Variants in NEMF observed in about 807,000 individuals in gnomAD.
The protein encoded by NEMF is ribosome quality control complex subunit NEMF.
In NEMF, 89 loss-of-function variants were observed where a neutral mutation model predicts 162.2. The observed-to-expected ratio is 0.55, with a 90% CI of 0.46 to 0.65. The LOEUF (loss-of-function observed/expected upper bound fraction) is 0.65. Among genes scored for constraint, NEMF ranks in the 30% least tolerant of loss-of-function variants. NEMF has a pLI of 0.00. For missense variants in NEMF, 1,133 were observed against 1,261.9 expected, an observed-to-expected ratio of 0.90 and a Z score of 1.55; for synonymous variants, 421 against 404.5, an observed-to-expected ratio of 1.04 and a Z score of -0.49.
At chr14:49,800,776 T>C (rs1406555745) in intron 22 of NEMF, 80 bp from the exon 23 acceptor site, 1 of 1,308,650 alleles carries the variant, frequency 7.6e-7, no homozygotes, top group Non-Finnish European at 1.1e-6. Flanking sequence ...ATAAAAATAT[T>C]CCACTGTTTC....
At chr14:49,785,048 C>G (rs376996065) in intron 31 of NEMF, 44 bp from the exon 32 acceptor site, 1 of 1,607,160 alleles carries the variant, frequency 6.2e-7, no homozygotes, top group South Asian at 1.1e-5. Flanking sequence ...TGTTAAGTCA[C>G]TGAACTGTTT....
intron 26 of NEMF, among the ~76,000 whole-genome samples, chr14:49,793,637 A>C (rs1476412336): frequency 1.3e-5 from 2 of 152,138 alleles, no homozygotes; most frequent in African/African-American, 4.8e-5. Flanking sequence ...AAAATGCATC[A>C]TTTATTGTTA....
intron 16 of NEMF, chr14:49,820,596 C>A: frequency 2.3e-6 from 1 of 428,556 alleles, no homozygotes; most frequent in Non-Finnish European, 4.6e-6. Flanking sequence ...TGGTGAAATC[C>A]ATCTCTACAA....
At chr14:49,788,556 CTCTTTTT>C (rs1890289031) in intron 28 of NEMF, among the ~76,000 whole-genome samples, 1 of 62,998 alleles carries the variant, frequency 1.6e-5, no homozygotes, top group Non-Finnish European at 3.3e-5. Flanking sequence ...TTTTCTCTCT[CTCTTTTT>C]TTTTTTTTTT....
At chr14:49,821,688 G>C (rs1323550957) in intron 16 of NEMF, among the ~76,000 whole-genome samples, 1 of 136,848 alleles carries the variant, frequency 7.3e-6, no homozygotes, top group Admixed American at 7.1e-5. Flanking sequence ...GGGAGGTGGG[G>C]GGCTCAGCCC....
At chr14:49,824,600 AT>A (rs929470193) in intron 16 of NEMF, among the ~76,000 whole-genome samples, 51 of 146,590 alleles carry the variant, frequency 3.5e-4, no homozygotes, top group Admixed American at 4.1e-4. Flanking sequence ...TCTATACTCA[AT>A]TTTTTTTTTT....
chr14:49,820,747 G>C (rs1891966610), intron 16 of NEMF, among the ~76,000 whole-genome samples: 1 of 152,078 alleles, frequency 6.6e-6, no homozygotes, highest in Admixed American at 6.5e-5. Context: ...CCTGCCGAGT[G>C]CCTGCGATTG....
At chr14:49,819,844 C>T (rs1310833464) in intron 16 of NEMF, among the ~76,000 whole-genome samples, 1 of 152,202 alleles carries the variant, frequency 6.6e-6, no homozygotes, top group Non-Finnish European at 1.5e-5. Flanking sequence ...AGTGCCCTCC[C>T]TTCACTTGCT....
At chr14:49,818,734 G>C (rs1297298187) in intron 16 of NEMF, among the ~76,000 whole-genome samples, 1 of 152,070 alleles carries the variant, frequency 6.6e-6, no homozygotes, top group Non-Finnish European at 1.5e-5. Flanking sequence ...ATAAGTAAAT[G>C]AATTATGGAT....
At chr14:49,797,178 T>C (rs1322088579) in intron 25 of NEMF, among the ~76,000 whole-genome samples, 2 of 152,176 alleles carry the variant, frequency 1.3e-5, no homozygotes, top group East Asian at 3.9e-4. Flanking sequence ...TGTTCAATGA[T>C]TATGTTTCTC....
chr14:49,840,623 C>A (rs1594800724), intron 5 of NEMF, 95 bp downstream of exon 5: 3 of 1,050,270 alleles, frequency 2.9e-6, no homozygotes, highest in Non-Finnish European at 4.1e-6. Flanking sequence ...TGACATATGA[C>A]CCATTTTACC....
rs146599046 is a variant in NEMF, at chr14:49,846,581, T to C, written c.232-316A>G. On this transcript the variant is annotated intron_variant, in intron 3 of 32. Coordinates refer to ENST00000298310, the MANE Select transcript of NEMF (RefSeq NM_004713.6). Reference sequence around the variant, plus strand: ...CCCTGGCTCAGGTGATCCTCCTGCATCAGCCTCCTGAGGATTGGGACCACA... The same window carrying C: ...CCCTGGCTCAGGTGATCCTCCTGCACCAGCCTCCTGAGGATTGGGACCACA... Among the ~76,000 whole-genome samples, 64 of 152,314 alleles carry C rather than the reference T, an allele frequency of 4.2e-4. 1 individual carries two copies. The highest frequency in any genetic ancestry group is 6.3e-4 in the Non-Finnish European group (43 of 68,020).
At chr14:49,837,602 A>G (rs998543698) in intron 6 of NEMF, among the ~76,000 whole-genome samples, 1 of 152,172 alleles carries the variant, frequency 6.6e-6, no homozygotes, top group African/African-American at 2.4e-5. Flanking sequence ...AGTTCTAAAG[A>G]TAACTTTTGA....
chr14:49,789,338 T>G lies in NEMF; in HGVS notation c.2703A>C (p.Ala901=). The G allele has an allele frequency of 6.2e-7, 1 of 1,614,152 alleles. No individual in the cohort carries two copies. Among genetic ancestry groups the G allele is most frequent in the South Asian group, 1.1e-5 (1 of 91,086 alleles). ...TCCCTTTTTCTTCTTTGTTTGAACC[T>G]GCAGACTTTAATTCATAGAGGAAAC... ...RELIMKLLGS[A]GSNKEEKGKK... is the part of the protein sequence containing the mutation. Residue 901 remains alanine, a synonymous_variant, in exon 28 of 33, where the codon GCA becomes GCC. Coordinates refer to ENST00000298310, the MANE Select transcript of NEMF (RefSeq NM_004713.6).
At chr14:49,787,980 G>A (rs1479358680) in intron 28 of NEMF, among the ~76,000 whole-genome samples, 1 of 152,040 alleles carries the variant, frequency 6.6e-6, no homozygotes, top group African/African-American at 2.4e-5. Flanking sequence ...ATTTTAAGCC[G>A]TTATTAAAAA....
chr14:49,838,585 G>GTTT (rs200414717), intron 5 of NEMF, among the ~76,000 whole-genome samples: 4 of 129,830 alleles, frequency 3.1e-5, no homozygotes, highest in Non-Finnish European at 3.3e-5. Context: ...TTTTTGTTTG[G>GTTT]TTTTTTTTTT....
intron 7 of NEMF, 60 bp from the exon 8 acceptor site, chr14:49,833,556 C>T (rs567023014): frequency 1.7e-5 from 18 of 1,070,106 alleles, no homozygotes; most frequent in African/African-American, 1.1e-4. Flanking sequence ...TTAACCGTGG[C>T]TAAACAACTA....
chr14:49,813,155 A>C (rs1372428421), intron 18 of NEMF, among the ~76,000 whole-genome samples: 3 of 152,210 alleles, frequency 2.0e-5, no homozygotes, highest in African/African-American at 4.8e-5. Flanking sequence ...TGAGCACCCC[A>C]AACCTGAAAA....
chr14:49,820,085 T>C, intron 16 of NEMF: 1 of 187,362 alleles, frequency 5.3e-6, no homozygotes, highest in Non-Finnish European at 1.1e-5. Flanking sequence ...CCGAGTAGCT[T>C]GGTCTACAGG....
Sources: gnomAD v4.1 joint callset for allele counts (sites outside exome capture counted in the v4.1 genomes callset) on GRCh38, gnomAD v4.1.1 for gene constraint, MANE v1.5 for transcripts, NCBI Gene and HGNC (gene_info 2026-07-23, HGNC 2026-07-21) for gene names.